The following SNX29 variants were observed in gnomAD, a reference collection of about 807,000 sequenced individuals.
SNX29 encodes sorting nexin 29.
SNX29 carries 78 observed loss-of-function variants against 102.1 expected under a neutral mutation model. The ratio of observed to expected loss-of-function variants is 0.76; its 90% confidence interval spans 0.64 to 0.92. The LOEUF is 0.92. SNX29 is among the 40% of genes least tolerant of loss of function. The pLI, the probability that SNX29 is intolerant of heterozygous loss-of-function variation, is 0.00. For synonymous variants in SNX29, 580 were observed against 414.5 expected (o/e 1.40, Z -4.85); for missense variants, 1,280 against 1,061.7 (o/e 1.21, Z -2.86).
chr16:12,207,597 T>C (rs1596508338), intron 14 of SNX29, among the ~76,000 whole-genome samples: 1 of 152,110 alleles, frequency 6.6e-6, no homozygotes, highest in Non-Finnish European at 1.5e-5. Context: ...GTTTGTCTCA[T>C]GTGCCCCCAT....
At chr16:12,319,622 C>T (rs535591014) in intron 15 of SNX29, among the ~76,000 whole-genome samples, 43 of 152,204 alleles carry the variant, frequency 2.8e-4, no homozygotes, top group African/African-American at 8.9e-4. Context: ...ATCATCCTGG[C>T]AAGGAGTGAG....
chr16:11,999,419 G>A, intron 2 of SNX29, 61 bp downstream of exon 2: 2 of 1,540,422 alleles, frequency 1.3e-6, no homozygotes, highest in African/African-American at 2.7e-5. Flanking sequence ...AATTAATGTA[G>A]GTCATTTCTT....
chr16:12,562,830 C>G (rs929414707), intron 20 of SNX29, among the ~76,000 whole-genome samples: 42 of 152,158 alleles, frequency 2.8e-4, no homozygotes, highest in Non-Finnish European at 2.2e-4. Flanking sequence ...AATTTCCTAG[C>G]ATTCCCCTAT....
intron 19 of SNX29, among the ~76,000 whole-genome samples, chr16:12,512,264 G>A (rs1321785087): frequency 6.7e-6 from 1 of 150,208 alleles, no homozygotes; most frequent in African/African-American, 2.5e-5. Flanking sequence ...AGAGGGTGCG[G>A]CTGGAGAGGC....
At chr16:12,538,491 C>G (rs1003439303) in intron 20 of SNX29, among the ~76,000 whole-genome samples, 7 of 152,272 alleles carry the variant, frequency 4.6e-5, no homozygotes, top group African/African-American at 1.2e-4. Flanking sequence ...TAACATACAT[C>G]TATGATACTT....
chr16:12,073,279 G>C (rs577575504), intron 10 of SNX29, among the ~76,000 whole-genome samples: 1 of 151,784 alleles, frequency 6.6e-6, no homozygotes, highest in Non-Finnish European at 1.5e-5. Context: ...GTGAATTTTG[G>C]ATCTTTCCTG....
At chr16:12,019,153 T>C (rs947682215) in intron 3 of SNX29, among the ~76,000 whole-genome samples, 2 of 152,278 alleles carry the variant, frequency 1.3e-5, no homozygotes, top group South Asian at 2.1e-4. Flanking sequence ...AAATGCTTGT[T>C]TTAGCAAATG....
At chr16:12,320,378 G>A (rs1197022147) in intron 15 of SNX29, among the ~76,000 whole-genome samples, 1 of 152,018 alleles carries the variant, frequency 6.6e-6, no homozygotes, top group East Asian at 1.9e-4. Context: ...CGCAATGCCT[G>A]TGCCCAGCAT....
chr16:12,413,292 G>A (rs1273576408), intron 18 of SNX29, among the ~76,000 whole-genome samples: 1 of 152,094 alleles, frequency 6.6e-6, no homozygotes, highest in Non-Finnish European at 1.5e-5. Context: ...CTGAAGTGGT[G>A]GGATCTCCTA....
At chr16:12,334,671 C>T (rs559867255) in intron 15 of SNX29, among the ~76,000 whole-genome samples, 6 of 152,246 alleles carry the variant, frequency 3.9e-5, no homozygotes, top group Admixed American at 1.3e-4. Flanking sequence ...ACATTCGGGC[C>T]ATTTCCCATA....
intron 3 of SNX29, among the ~76,000 whole-genome samples, chr16:12,017,489 C>T (rs1203555296): frequency 1.3e-5 from 2 of 152,112 alleles, no homozygotes; most frequent in African/African-American, 4.8e-5. Context: ...TCATCTGTCA[C>T]TTTAGTTATT....
chr16:12,551,881 C>G (rs1048011694), intron 20 of SNX29, among the ~76,000 whole-genome samples: 3 of 152,204 alleles, frequency 2.0e-5, no homozygotes, highest in Non-Finnish European at 4.4e-5. Context: ...TCTAGCCTGT[C>G]TGCTCATCTG....
chr16:12,466,062 G>T (rs1357542633), intron 18 of SNX29, among the ~76,000 whole-genome samples: 3 of 152,176 alleles, frequency 2.0e-5, no homozygotes, highest in Admixed American at 6.5e-5. Context: ...AAAGCTGAAA[G>T]CGTTTGCTCT....
intron 15 of SNX29, among the ~76,000 whole-genome samples, chr16:12,300,143 G>GTT (rs2080118873): frequency 6.6e-6 from 1 of 152,216 alleles, no homozygotes; most frequent in Non-Finnish European, 1.5e-5. Flanking sequence ...AAGTGCTGAG[G>GTT]TTACACGTGT....
At chr16:12,398,276 C>T (rs8055030) in intron 16 of SNX29, among the ~76,000 whole-genome samples, 170 bp from the exon 17 acceptor site, 26,273 of 152,066 alleles carry the variant, frequency 0.17, 2,564 homozygotes, top group Middle Eastern at 0.24. Flanking sequence ...ACATCCTCTC[C>T]AACCATCCCT....
chr16:12,483,972 A>C (rs2088100344), intron 19 of SNX29, among the ~76,000 whole-genome samples: 2 of 152,224 alleles, frequency 1.3e-5, no homozygotes, highest in South Asian at 4.1e-4. Context: ...GACCAGCTCT[A>C]ATGACGCAAG....
At chr16:12,517,476 C>G (rs566043020) in intron 19 of SNX29, among the ~76,000 whole-genome samples, 4 of 152,342 alleles carry the variant, frequency 2.6e-5, no homozygotes, top group African/African-American at 9.6e-5. Flanking sequence ...AGTCTGTCCA[C>G]TCCACCACCA....
In SNX29 at chr16:12,570,876, T is replaced by A; in HGVS notation, c.*2247T>A. 1 of 231,870 alleles carries A rather than the reference T, an allele frequency of 4.3e-6. No individual in the cohort carries two copies. Among genetic ancestry groups the A allele is most frequent in the Non-Finnish European group, 8.5e-6 (1 of 117,262 alleles). The allele number at this position is 231,870 out of a possible 1,614,324, so 14.4% of individuals were successfully genotyped here. On this transcript the variant is annotated 3_prime_UTR_variant, in exon 21 of 21. Coordinates refer to ENST00000566228, the MANE Select transcript of SNX29 (RefSeq NM_032167.5). ...TGGGAGAAACTGCCTCCTACTTTTA[T>A]AATACTGAATTATTCACAAAAAACC...
intron 14 of SNX29, among the ~76,000 whole-genome samples, chr16:12,227,386 C>T (rs2077643639): frequency 2.0e-5 from 3 of 152,216 alleles, no homozygotes. Flanking sequence ...ATGGATGATA[C>T]ACACTTGTGA....
Sources: allele counts gnomAD v4.1 joint callset (sites outside exome capture counted in the v4.1 genomes callset), GRCh38; gene constraint gnomAD v4.1.1; transcripts MANE v1.5; gene names NCBI Gene and HGNC (gene_info 2026-07-23, HGNC 2026-07-21).